ZNF423: variants seen among roughly 807,000 people sequenced by gnomAD.
ZNF423 encodes the protein Ebf-associated zinc finger protein.
A neutral mutation model predicts 95.8 loss-of-function variants in ZNF423; 12 were observed. The observed-to-expected ratio is 0.13, with a 90% CI of 0.08 to 0.20. The LOEUF (loss-of-function observed/expected upper bound fraction) is 0.20, where lower values mean the gene tolerates loss of function less well. Among genes scored for constraint, ZNF423 ranks in the 10% least tolerant of loss-of-function variants. The pLI, the probability that ZNF423 is intolerant of heterozygous loss-of-function variation, is 1.00. For synonymous variants in ZNF423, 749 were observed against 711.9 expected (o/e 1.05, Z -0.83); for missense variants, 1,316 against 1,737.1 (o/e 0.76, Z 4.31).
intron 7 of ZNF423, among the ~76,000 whole-genome samples, chr16:49,523,277 C>T (rs1968473033): frequency 6.6e-6 from 1 of 152,232 alleles, no homozygotes; most frequent in Non-Finnish European, 1.5e-5. Context: ...ACAAAGACAT[C>T]ATGGGCTTCT....
chr16:49,606,958 G>T (rs1971555546), intron 5 of ZNF423, among the ~76,000 whole-genome samples: 1 of 152,120 alleles, frequency 6.6e-6, no homozygotes, highest in East Asian at 1.9e-4. Flanking sequence ...AGAAAGAAAT[G>T]AGCTGCCCCA....
intron 5 of ZNF423, among the ~76,000 whole-genome samples, chr16:49,552,299 C>G (rs1337076688): frequency 6.6e-6 from 1 of 152,218 alleles, no homozygotes; most frequent in Non-Finnish European, 1.5e-5. Context: ...CTTTCTGAGC[C>G]TCAGTAAAAA....
intron 5 of ZNF423, among the ~76,000 whole-genome samples, chr16:49,589,861 G>A (rs75607352): frequency 6.6e-6 from 1 of 151,770 alleles, no homozygotes; most frequent in Non-Finnish European, 1.5e-5. Flanking sequence ...TCGCCATAAC[G>A]AGAGCTGAAC....
intron 7 of ZNF423, among the ~76,000 whole-genome samples, chr16:49,513,652 T>TGGAA (rs1967993361): frequency 7.9e-6 from 1 of 126,796 alleles, no homozygotes; most frequent in Non-Finnish European, 1.7e-5. Flanking sequence ...GATGGATGGA[T>TGGAA]GGATGGATGG....
rs1297601559 is a variant in ZNF423 at position 49,637,526 on chromosome 16, A to G, written c.1650T>C (p.Ser550=). 5.0e-6 allele frequency: 8 copies of G among 1,614,020 alleles called. No individual in the cohort carries two copies. Among genetic ancestry groups the G allele is most frequent in the Non-Finnish European group, 6.8e-6 (8 of 1,179,988 alleles). Residue 550 remains serine, a synonymous_variant, in exon 4 of 8, where the codon AGT becomes AGC. Coordinates refer to ENST00000563137, the MANE Select transcript of ZNF423 (RefSeq NM_001379286.1). This position sits in a 1 kb window ranked among gnomAD's most constrained non-coding sequence, Gnocchi z 5.6. ...LTEHIQQAHC[S]VGSAKLESPV... Reference sequence around the variant, plus strand: ...GAGACTCTAGTTTGGCACTGCCCACACTGCAGTGGGCCTGCTGGATGTGCT... The same window carrying G: ...GAGACTCTAGTTTGGCACTGCCCACGCTGCAGTGGGCCTGCTGGATGTGCT...
At chr16:49,685,570 C>A (rs1596853138) in intron 3 of ZNF423, among the ~76,000 whole-genome samples, 1 of 152,322 alleles carries the variant, frequency 6.6e-6, no homozygotes, top group Non-Finnish European at 1.5e-5. Context: ...CCCCTCTGTT[C>A]ACCTCGATGC....
rs1219027239 is a variant in ZNF423, at chr16:49,487,962, T to C, written c.*3313A>G. The C allele has an allele frequency of 2.6e-5, 4 of 152,276 alleles. No homozygotes were observed. Among genetic ancestry groups the C allele is most frequent in the African/African-American group, 7.2e-5 (3 of 41,462 alleles). The allele number at this position is 152,276 out of a possible 1,614,324, so 9.4% of individuals were successfully genotyped here. A position where few individuals can be genotyped will look rare whatever the true frequency, so the allele number is the denominator to read the frequency against. ...CGGCACTCATGACCAGGTGTGGCTA[T>C]GCATTTACTGGCATGCTTGCCTGTG... On this transcript the variant is annotated 3_prime_UTR_variant, in exon 8 of 8. Transcript: ENST00000563137.
intron 5 of ZNF423, among the ~76,000 whole-genome samples, chr16:49,530,545 A>C (rs12918268): frequency 0.52 from 79,087 of 151,588 alleles, 20,754 homozygotes; most frequent in Middle Eastern, 0.55. Flanking sequence ...ATCTGGCACC[A>C]GGAGACGCTT....
chr16:49,607,670 C>T (rs916863268), intron 5 of ZNF423, among the ~76,000 whole-genome samples: 1 of 152,236 alleles, frequency 6.6e-6, no homozygotes, highest in Non-Finnish European at 1.5e-5. Flanking sequence ...TTCACACATT[C>T]AACTGTTAAG....
intron 3 of ZNF423, among the ~76,000 whole-genome samples, chr16:49,705,752 T>A (rs887233317): frequency 6.6e-5 from 10 of 151,786 alleles, no homozygotes; most frequent in Admixed American, 3.9e-4. Flanking sequence ...TTCGCCATGT[T>A]GGCTGGGCTG....
chr16:49,838,448 G>C (rs996471275), intron 1 of ZNF423, among the ~76,000 whole-genome samples: 5 of 152,230 alleles, frequency 3.3e-5, no homozygotes, highest in Non-Finnish European at 5.9e-5. Flanking sequence ...TCAGTACCTG[G>C]GAAGTGCGCT....
In ZNF423 at chr16:49,660,021, C is replaced by A. The variant is rs142463162; in HGVS notation, c.302-21147G>T. Among the ~76,000 whole-genome samples the A allele has an allele frequency of 5.9e-3, 894 of 152,296 alleles. 3 individuals are homozygous for A. The highest frequency in any genetic ancestry group is 7.5e-3 in the Non-Finnish European group (507 of 68,014). On this transcript the variant is annotated intron_variant, in intron 3 of 7. Coordinates refer to ENST00000563137, the MANE Select transcript of ZNF423 (RefSeq NM_001379286.1). ...GCACCTTCCTTCCTCCTCCTCCACC[C>A]GCAATATACCTCTCAACCACTTCCC...
rs1345757035 is a variant in ZNF423 at position 49,638,053 on chromosome 16, T to A, written c.1123A>T (p.Met375Leu). 1 of 1,613,920 alleles carries A rather than the reference T, an allele frequency of 6.2e-7. No individual in the cohort carries two copies. Among genetic ancestry groups the A allele is most frequent in the South Asian group, 1.1e-5 (1 of 91,064 alleles). ...CTGGAGTCGGGTGTGGCGCTGCTCA[T>A]GGAGGCCACGCTGCCCAGTACAGGG... is the stretch of plus-strand genomic sequence containing the variant. ...PDPVLGSVAS[M>L]SSATPDSSAS... Residue 375 changes from methionine to leucine, a missense_variant, in exon 4 of 8, where the codon ATG becomes TTG. By Grantham distance (15) the Met-to-Leu change is conservative. Transcript: ENST00000563137. The surrounding 1 kb of genome is among the most constrained non-coding windows in gnomAD (Gnocchi z 5.6).
chr16:49,725,874 G>A (rs528893831), intron 3 of ZNF423, among the ~76,000 whole-genome samples: 45 of 152,312 alleles, frequency 3.0e-4, no homozygotes, highest in African/African-American at 1.0e-3. Flanking sequence ...TCTAGGGCCC[G>A]CCAGGAGCCT....
chr16:49,598,145 G>T (rs1040213612), intron 5 of ZNF423, among the ~76,000 whole-genome samples: 4 of 148,302 alleles, frequency 2.7e-5, no homozygotes, highest in Non-Finnish European at 4.6e-5. Flanking sequence ...TGTATTTGAA[G>T]AAAACAGCCA....
intron 1 of ZNF423, among the ~76,000 whole-genome samples, chr16:49,844,889 G>C (rs1597058951): frequency 6.6e-6 from 1 of 151,966 alleles, no homozygotes; most frequent in East Asian, 2.0e-4. Context: ...TACAAAATTA[G>C]CCACGTGTGG....
intron 7 of ZNF423, among the ~76,000 whole-genome samples, chr16:49,510,665 C>A (rs531724868): frequency 6.6e-6 from 1 of 152,312 alleles, no homozygotes; most frequent in East Asian, 1.9e-4. Flanking sequence ...GCCCCAAGGC[C>A]CCATGTCTTC....
At chr16:49,689,931 A>G (rs1358152489) in intron 3 of ZNF423, among the ~76,000 whole-genome samples, 1 of 152,286 alleles carries the variant, frequency 6.6e-6, no homozygotes, top group South Asian at 2.1e-4. Context: ...CTCAATAGCC[A>G]AGGACACTCT....
At chr16:49,805,175 T>C (rs182534373) in intron 1 of ZNF423, among the ~76,000 whole-genome samples, 4 of 152,132 alleles carry the variant, frequency 2.6e-5, no homozygotes, top group African/African-American at 9.6e-5. Context: ...TCCCACAGCA[T>C]TATATGTTGC....
Sources: allele counts gnomAD v4.1 joint callset (sites outside exome capture counted in the v4.1 genomes callset), GRCh38; gene constraint gnomAD v4.1.1; non-coding constraint Gnocchi (gnomAD v3.1); transcripts MANE v1.5; gene names NCBI Gene and HGNC (gene_info 2026-07-23, HGNC 2026-07-21).